Variants in WASF1 observed in about 807,000 individuals in gnomAD.
The protein encoded by WASF1 is actin-binding protein WASF1.
A neutral mutation model predicts 50.5 loss-of-function variants in WASF1; 7 were observed. The ratio of observed to expected loss-of-function variants is 0.14; its 90% CI spans 0.08 to 0.26. The LOEUF (loss-of-function observed/expected upper bound fraction) is 0.26, where lower values mean the gene tolerates loss of function less well. Ranked by LOEUF, WASF1 falls within the 10% of genes least tolerant of loss-of-function variation. The pLI is 1.00. For synonymous variants in WASF1, 205 were observed against 244.0 expected (o/e 0.84, Z 1.49); for missense variants, 470 against 694.7 (o/e 0.68, Z 3.64).
chr6:110,169,527 A>G (rs1271046959), intron 2 of WASF1, among the ~76,000 whole-genome samples: 3 of 152,160 alleles, frequency 2.0e-5, no homozygotes, highest in Non-Finnish European at 2.9e-5. Context: ...GACACAATAC[A>G]GCCATTTTCA....
In WASF1 at chr6:110,100,274, C is replaced by A; in HGVS notation, c.*248G>T. ...GCTACTCTAACAACAGCTGTCCATG[C>A]TTAATACTTAGTGGTTTATTTGACC... On this transcript the variant is annotated 3_prime_UTR_variant, in exon 11 of 11. Coordinates refer to ENST00000392589, the MANE Select transcript of WASF1 (RefSeq NM_003931.3). The A allele has an allele frequency of 2.7e-6, 1 of 377,186 alleles. No individual in the cohort carries two copies. Among genetic ancestry groups the A allele is most frequent in the Non-Finnish European group, 4.8e-6 (1 of 208,878 alleles). 23.4% of individuals were successfully genotyped at this position (377,186 alleles called of 1,614,324 possible). A position where few individuals can be genotyped will look rare whatever the true frequency, so the allele number is the denominator to read the frequency against.
chr6:110,176,483 G>A (rs1776935230), intron 2 of WASF1, among the ~76,000 whole-genome samples: 1 of 151,834 alleles, frequency 6.6e-6, no homozygotes, highest in African/African-American at 2.4e-5. Context: ...TATCTGAGCA[G>A]GTAAATGGAG....
chr6:110,124,274 C>A (rs13201057), intron 4 of WASF1, among the ~76,000 whole-genome samples: 233 of 20,430 alleles, frequency 0.011, 9 homozygotes, highest in Non-Finnish European at 0.013. Context: ...CTCTCTCTCT[C>A]TATATATATA....
Position 110,105,390 on chromosome 6 carries a change from AAC to A in WASF1, c.713+15_713+16del, listed in dbSNP as rs1252933620. 7 of 1,578,164 alleles carry A rather than the reference AAC, an allele frequency of 4.4e-6. No homozygotes were observed. The highest frequency in any genetic ancestry group is 2.4e-5 in the South Asian group (2 of 84,530). On this transcript the variant is annotated intron_variant, in intron 8 of 10. Transcript: ENST00000392589. ...CAATGTTTTATCATTTAAAAAAAAA[AAC>A]AAAAGTAAAGAAACCTTGTTTCAAA...
chr6:110,121,847 T>C (rs1245578457), intron 4 of WASF1, among the ~76,000 whole-genome samples: 1 of 152,148 alleles, frequency 6.6e-6, no homozygotes, highest in African/African-American at 2.4e-5. Context: ...TGGAATACTA[T>C]GTAGCCATAA....
At chr6:110,145,222 T>C (rs1216387959) in intron 3 of WASF1, among the ~76,000 whole-genome samples, 1 of 152,136 alleles carries the variant, frequency 6.6e-6, no homozygotes, top group Non-Finnish European at 1.5e-5. Flanking sequence ...TTTGAAGCAA[T>C]TGTGAATGGG....
At chr6:110,161,508 T>C (rs913150335) in intron 2 of WASF1, among the ~76,000 whole-genome samples, 5 of 151,730 alleles carry the variant, frequency 3.3e-5, no homozygotes, top group African/African-American at 9.6e-5. Flanking sequence ...AAGAGTACCT[T>C]ATTTTACCAG....
intron 3 of WASF1, among the ~76,000 whole-genome samples, chr6:110,130,377 TATA>T (rs1774609399): frequency 6.6e-6 from 1 of 152,356 alleles, no homozygotes; most frequent in Non-Finnish European, 1.5e-5. Context: ...TTATTCTTTT[TATA>T]ATAAGCATTT....
At chr6:110,127,731 A>T in intron 3 of WASF1, 102 bp from the exon 4 acceptor site, 1 of 1,133,260 alleles carries the variant, frequency 8.8e-7, no homozygotes, top group Non-Finnish European at 1.1e-6. Context: ...CCCTTGAACA[A>T]CATGGATTTG....
In WASF1 at chr6:110,131,209, G is replaced by A. The variant is rs900828480; in HGVS notation, c.-28-3580C>T. Among the ~76,000 whole-genome samples, 3 of 152,096 alleles carry A rather than the reference G, an allele frequency of 2.0e-5. No homozygotes were observed. The East Asian group carries it at 5.8e-4, about 29-fold the overall frequency. Reference sequence around the variant, plus strand: ...CAATCTTTTCAAGTTTAGAACAAAAGCATAGTTTCTAAAATCTTTTTCTAC... The same window carrying A: ...CAATCTTTTCAAGTTTAGAACAAAAACATAGTTTCTAAAATCTTTTTCTAC... On this transcript the variant is annotated intron_variant, in intron 3 of 10. Coordinates refer to ENST00000392589, the MANE Select transcript of WASF1 (RefSeq NM_003931.3).
At chr6:110,141,960 C>T (rs571599380) in intron 3 of WASF1, among the ~76,000 whole-genome samples, 2 of 152,160 alleles carry the variant, frequency 1.3e-5, no homozygotes, top group East Asian at 3.9e-4. Context: ...TTAGTAGAGA[C>T]AGGGTTTCAC....
chr6:110,103,620 T>A (rs111414330), intron 8 of WASF1, 63 bp from the exon 9 acceptor site: 1 of 1,390,038 alleles, frequency 7.2e-7, no homozygotes, highest in Non-Finnish European at 9.6e-7. Flanking sequence ...GGGTTCTACA[T>A]GAGATATTAA....
chr6:110,104,345 T>A (rs1035972669), intron 8 of WASF1, among the ~76,000 whole-genome samples: 10 of 152,234 alleles, frequency 6.6e-5, no homozygotes, highest in Non-Finnish European at 1.3e-4. Flanking sequence ...TTATTAATTT[T>A]TTAATGTCAA....
intron 3 of WASF1, among the ~76,000 whole-genome samples, chr6:110,147,026 C>G (rs1775595906): frequency 1.3e-5 from 2 of 152,046 alleles, no homozygotes. Flanking sequence ...ACAGTGCTAT[C>G]TTTACCAAAA....
intron 3 of WASF1, among the ~76,000 whole-genome samples, chr6:110,134,903 G>A (rs1396095194): frequency 2.0e-5 from 3 of 151,974 alleles, no homozygotes; most frequent in Non-Finnish European, 4.4e-5. Context: ...CTAGTTCTGT[G>A]AAGAATGACA....
chr6:110,127,109 T>C (rs1343514776), intron 4 of WASF1, among the ~76,000 whole-genome samples: 1 of 152,156 alleles, frequency 6.6e-6, no homozygotes, highest in South Asian at 2.1e-4. Context: ...GATACTAGTG[T>C]TTGAAAACAC....
At chr6:110,153,677 GA>G (rs2114586389) in intron 3 of WASF1, among the ~76,000 whole-genome samples, 1 of 152,156 alleles carries the variant, frequency 6.6e-6, no homozygotes, top group African/African-American at 2.4e-5. Flanking sequence ...GCTGAGGTGG[GA>G]GGATCGCTTG....
At chr6:110,113,155 G>A (rs74503712) in intron 5 of WASF1, among the ~76,000 whole-genome samples, 171 bp downstream of exon 5, 7,875 of 152,074 alleles carry the variant, frequency 0.052, 230 homozygotes, top group East Asian at 0.12. Context: ...AAAGCCCGGA[G>A]AATCATACTG....
rs1178260988 is a variant in WASF1, at chr6:110,105,466, A to G, written c.654T>C (p.Ala218=). The change falls in exon 8 of 11, where the codon GCT becomes GCC. Residue 218 remains alanine (A), a synonymous_variant. Coordinates refer to ENST00000392589, the MANE Select transcript of WASF1 (RefSeq NM_003931.3). Reference sequence around the variant, plus strand: ...CTTCAATATGCTTATGTAAGAGATTAGCATCATCTTCAGCCAGCTCTGGAC... The same window carrying G: ...CTTCAATATGCTTATGTAAGAGATTGGCATCATCTTCAGCCAGCTCTGGAC... The part of the protein sequence containing the change: ...AQGPELAEDD[A]NLLHKHIEVA... 1 of 1,613,832 alleles carries G rather than the reference A, an allele frequency of 6.2e-7. No individual in the cohort carries two copies. The highest frequency in any genetic ancestry group is 8.5e-7 in the Non-Finnish European group (1 of 1,179,950).
Sources: allele counts gnomAD v4.1 joint callset (sites outside exome capture counted in the v4.1 genomes callset), GRCh38; gene constraint gnomAD v4.1.1; transcripts MANE v1.5; gene names NCBI Gene and HGNC (gene_info 2026-07-23, HGNC 2026-07-21).